Variants in TEX15 observed in about 807,000 individuals in gnomAD.
TEX15 encodes the protein testis-expressed protein 15.
TEX15 carries 171 observed loss-of-function variants against 237.3 expected under a neutral mutation model. The ratio of observed to expected loss-of-function variants is 0.72; its 90% confidence interval spans 0.64 to 0.82. The LOEUF (loss-of-function observed/expected upper bound fraction) is 0.82. Ranked by LOEUF, TEX15 falls within the 40% of genes least tolerant of loss-of-function variation. The pLI is 0.00. For missense variants in TEX15, 3,750 were observed against 3,646.5 expected (o/e 1.03, Z -0.73); for synonymous variants, 1,338 against 1,269.8 (o/e 1.05, Z -1.14).
In TEX15 at chr8:30,845,647, C is replaced by G. The variant is rs377401358; in HGVS notation, c.4520G>C (p.Gly1507Ala). 5.0e-5 allele frequency: 81 copies of G among 1,613,430 alleles called. No individual in the cohort carries two copies. The highest frequency in any genetic ancestry group is 6.4e-5 in the Non-Finnish European group (76 of 1,179,610). Residue 1507 changes from glycine (G) to alanine (A), a missense_variant, in exon 8 of 11, where the codon GGA becomes GCA. By Grantham distance (60) the Gly-to-Ala change is moderately conservative (BLOSUM62 0). Transcript: ENST00000643185. Reference sequence around the variant, plus strand: ...AGGATGTTCTTGATTACAAAATTCTCCCATGTGACTGGTGGTGGGGTGACT... The same window carrying G: ...AGGATGTTCTTGATTACAAAATTCTGCCATGTGACTGGTGGTGGGGTGACT... ...SKSHPTTSHMGEFCNQEHPES... is the reference protein window; with the variant it reads ...SKSHPTTSHMAEFCNQEHPES...
chr8:30,852,704 T>A (rs1489433109), intron 7 of TEX15, among the ~76,000 whole-genome samples: 1 of 151,566 alleles, frequency 6.6e-6, no homozygotes, highest in African/African-American at 2.4e-5. Flanking sequence ...TAAAAAAAAA[T>A]TGAAATAAAA....
In TEX15 at chr8:30,845,333, T is replaced by C. The variant is rs938193962; in HGVS notation, c.4834A>G (p.Ile1612Val). ...KENSCDANEVINESNSVSLSC... is the reference protein window; with the variant it reads ...KENSCDANEVVNESNSVSLSC... ...AAAGATACAGAATTACTTTCATTTATTACTTCATTAGCGTCACAACTGTTT... is the reference window on the plus strand; with the variant it reads ...AAAGATACAGAATTACTTTCATTTACTACTTCATTAGCGTCACAACTGTTT... The change falls in exon 8 of 11, where the codon ATA becomes GTA. Residue 1612 changes from isoleucine to valine, a missense_variant. Ile to Val is a conservative substitution (Grantham distance 29). Coordinates refer to ENST00000643185, the MANE Select transcript of TEX15 (RefSeq NM_001350162.2). The C allele has an allele frequency of 1.9e-6, 3 of 1,612,560 alleles. No individual in the cohort carries two copies. The highest frequency in any genetic ancestry group is 2.7e-5 in the African/African-American group (2 of 74,922).
In TEX15 at chr8:30,843,667, A is replaced by C. The variant is rs1273059261; in HGVS notation, c.6500T>G (p.Leu2167Ter). Residue 2167 changes from leucine to a stop codon, truncating the protein, a stop_gained, in exon 8 of 11, where the codon TTA becomes TGA. Transcript: ENST00000643185. LOFTEE classifies it high-confidence loss of function. ...KREKNSYYVF[L>*]KYKRQVNECE... The stretch of plus-strand genomic sequence containing the variant: ...TTCATTAACCTGTCGTTTGTACTTT[A>C]AGAATACATAGTATGAATTCTTTTC... The C allele has an allele frequency of 6.2e-7, 1 of 1,612,086 alleles. No individual in the cohort carries two copies. The highest frequency in any genetic ancestry group is 8.5e-7 in the Non-Finnish European group (1 of 1,179,402).
At position 30,843,245 on chromosome 8, in the gene TEX15, A is replaced by G; in HGVS notation, c.6922T>C (p.Phe2308Leu). The G allele has an allele frequency of 6.2e-7, 1 of 1,613,274 alleles. No homozygotes were observed. The highest frequency in any genetic ancestry group is 8.5e-7 in the Non-Finnish European group (1 of 1,179,648). The stretch of plus-strand genomic sequence containing the variant: ...TCATATATCTTCTGCAACTTAGAAA[A>G]GGCACATTTATTCACTCTGAGTAGC... ...ERLLRVNKCA[F>L]SKLQKIYDTL... Residue 2308 changes from phenylalanine (F) to leucine (L), a missense_variant, in exon 8 of 11, where the codon TTT becomes CTT. Physicochemically the swap from Phe to Leu is conservative, Grantham distance 22 (BLOSUM62 0). Coordinates refer to ENST00000643185, the MANE Select transcript of TEX15 (RefSeq NM_001350162.2).
intron 5 of TEX15, among the ~76,000 whole-genome samples, chr8:30,867,049 C>CTTTGCTTTTTTTTTTT (rs1329486726): frequency 2.8e-4 from 40 of 145,276 alleles, no homozygotes; most frequent in Non-Finnish European, 5.2e-4. Context: ...TGAAGGCTGC[C>CTTTGCTTTTTTTTTTT]TTTGCTTTTT....
rs1807561117 is a variant in TEX15 at position 30,844,986 on chromosome 8, ATC to A, written c.5179_5180del (p.Asp1727Ter). 6.2e-7 allele frequency: 1 copy of A among 1,613,568 alleles called. No individual in the cohort carries two copies. Among genetic ancestry groups the A allele is most frequent in the Non-Finnish European group, 8.5e-7 (1 of 1,179,530 alleles). On this transcript the variant is annotated frameshift_variant, in exon 8 of 11. Transcript: ENST00000643185. LOFTEE classifies it high-confidence loss of function. ...AAGATTTTGAAGATTCTCCCTCACTATCTGTCACTGCAGCGGCTGATAACTGA... is the reference window on the plus strand; with the variant it reads ...AAGATTTTGAAGATTCTCCCTCACTATGTCACTGCAGCGGCTGATAACTGA... ...IPQLSAAAVT[D>X]SEGESSKSYL...
intron 10 of TEX15, among the ~76,000 whole-genome samples, chr8:30,833,798 AT>A (rs1014691079): frequency 7.8e-4 from 119 of 152,018 alleles, no homozygotes; most frequent in African/African-American, 2.2e-3. Flanking sequence ...TGCCTCCTTA[AT>A]TTTTTTTAGA....
intron 3 of TEX15, among the ~76,000 whole-genome samples, chr8:30,878,473 T>C (rs540935917): frequency 2.0e-5 from 3 of 152,232 alleles, no homozygotes; most frequent in Admixed American, 2.0e-4. Context: ...AACCTCTGCC[T>C]CTCGGGTTCA....
intron 4 of TEX15, 106 bp downstream of exon 4, chr8:30,874,831 T>C (rs1490795154): frequency 1.6e-6 from 1 of 639,496 alleles, no homozygotes. Context: ...CTGTGTTTTC[T>C]TAGTAATAAC....
At chr8:30,872,791 T>C (rs1409794899) in intron 4 of TEX15, among the ~76,000 whole-genome samples, 2 of 152,134 alleles carry the variant, frequency 1.3e-5, no homozygotes, top group African/African-American at 4.8e-5. Context: ...AGAATAAGGA[T>C]AAAAATATTT....
intron 7 of TEX15, 43 bp downstream of exon 7, chr8:30,858,625 C>T: frequency 1.4e-6 from 2 of 1,452,690 alleles, no homozygotes; most frequent in Non-Finnish European, 1.8e-6. Context: ...AATTTTAAGA[C>T]CAGCACAAAT....
rs867741601 is a variant in TEX15, at chr8:30,837,170, T to C, written c.9114A>G (p.Ser3038=). 4.3e-6 allele frequency: 7 copies of C among 1,614,010 alleles called. No individual in the cohort carries two copies. The highest frequency in any genetic ancestry group is 3.3e-5 in the Admixed American group (2 of 59,998). ...AAACACACCAAGCAGAGTATGGATA[T>C]GAAGTTCCAAATAAATGCTCAGAAG... is the stretch of plus-strand genomic sequence containing the variant. The part of the protein sequence containing the change: ...YNSSEHLFGT[S]YPYSAWCVYQ... The change falls in exon 10 of 11, where the codon TCA becomes TCG. Residue 3038 remains serine, a synonymous_variant. Coordinates refer to ENST00000643185, the MANE Select transcript of TEX15 (RefSeq NM_001350162.2).
chr8:30,847,289 T>A lies in TEX15; in HGVS notation c.2878A>T (p.Ser960Cys). Residue 960 changes from serine (S) to cysteine (C), a missense_variant, in exon 8 of 11, where the codon AGT becomes TGT. Transcript: ENST00000643185. Reference sequence around the variant, plus strand: ...GTCGTGGAAGCCAAATGCTCTACACTTCTTCCAGTATTTTCAGTATCTTTT... The same window carrying A: ...GTCGTGGAAGCCAAATGCTCTACACATCTTCCAGTATTTTCAGTATCTTTT... The part of the protein sequence containing the change: ...KQKDTENTGR[S>C]VEHLASTTFP... 6.2e-7 allele frequency: 1 copy of A among 1,613,980 alleles called. No homozygotes were observed. The highest frequency in any genetic ancestry group is 8.5e-7 in the Non-Finnish European group (1 of 1,179,878).
At chr8:30,866,725 A>T (rs1038985296) in intron 5 of TEX15, among the ~76,000 whole-genome samples, 3 of 147,860 alleles carry the variant, frequency 2.0e-5, no homozygotes, top group African/African-American at 7.7e-5. Context: ...TGACACACAC[A>T]TACACACACA....
rs145069674 is a variant in TEX15 at position 30,904,031 on chromosome 8, G to A, written c.-85-5214C>T. On this transcript the variant is annotated intron_variant, in intron 1 of 10. Transcript: ENST00000643185. ...AGGGATTAGTTACTAATCTATTATG[G>A]TTATGAGGCTTTTTAAAAGACATTA... Among the ~76,000 whole-genome samples, 18 of 151,568 alleles carry A rather than the reference G, an allele frequency of 1.2e-4. 1 individual carries two copies. The East Asian group carries it at 3.3e-3, about 28-fold the overall frequency.
chr8:30,889,867 A>G (rs1808746217), intron 2 of TEX15, among the ~76,000 whole-genome samples: 1 of 149,084 alleles, frequency 6.7e-6, no homozygotes, highest in South Asian at 2.1e-4. Context: ...TATATGTTAC[A>G]TATTACAAAT....
intron 2 of TEX15, among the ~76,000 whole-genome samples, chr8:30,893,692 C>T (rs777670307): frequency 2.4e-4 from 36 of 152,300 alleles, no homozygotes; most frequent in Non-Finnish European, 3.4e-4. Flanking sequence ...TTATCACCTC[C>T]AATTTAATTG....
Position 30,889,954 on chromosome 8 carries a change from C to T in TEX15, c.-9-2643G>A, listed in dbSNP as rs576270933. Reference sequence around the variant, plus strand: ...ATATACATATATATATATATATATACATATATATATATATGTATAAGTAAA... The same window carrying T: ...ATATACATATATATATATATATATATATATATATATATATGTATAAGTAAA... On this transcript the variant is annotated intron_variant, in intron 2 of 10. Coordinates refer to ENST00000643185, the MANE Select transcript of TEX15 (RefSeq NM_001350162.2). Among the ~76,000 whole-genome samples, 350 of 109,486 alleles carry T rather than the reference C, an allele frequency of 3.2e-3. 1 individual carries two copies. The highest frequency in any genetic ancestry group is 8.3e-3 in the African/African-American group (184 of 22,100). The allele number at this position is 109,486 out of a possible 152,430, so 71.8% of individuals were successfully genotyped here.
At position 30,845,264 on chromosome 8, in the gene TEX15, A is replaced by G; in HGVS notation, c.4903T>C (p.Cys1635Arg). Residue 1635 changes from cysteine (C) to arginine (R), a missense_variant, in exon 8 of 11, where the codon TGT (cysteine) becomes CGT (arginine). By Grantham distance (180) the Cys-to-Arg change is radical (BLOSUM62 -3). Coordinates refer to ENST00000643185, the MANE Select transcript of TEX15 (RefSeq NM_001350162.2). The part of the protein sequence containing the change: ...ENINSSTGND[C>R]DATCIGHTKA... ...GTGTGACCTATGCAAGTTGCATCAC[A>G]ATCGTTGCCTGTACTAGAATTTATG... 1.9e-6 allele frequency: 3 copies of G among 1,613,532 alleles called. No homozygotes were observed. The highest frequency in any genetic ancestry group is 2.5e-6 in the Non-Finnish European group (3 of 1,179,544).
Sources: allele counts gnomAD v4.1 joint callset (sites outside exome capture counted in the v4.1 genomes callset), GRCh38; gene constraint gnomAD v4.1.1; transcripts MANE v1.5; gene names NCBI Gene and HGNC (gene_info 2026-07-23, HGNC 2026-07-21).